Variants in ADAMTSL1 observed in about 807,000 individuals in gnomAD.
ADAMTSL1 encodes ADAMTS like 1, also known as ADAMTS-like protein 1.
ADAMTSL1 carries 126 observed loss-of-function variants against 201.8 expected under a neutral mutation model. That is an observed-to-expected ratio of 0.62 (90% CI 0.54 to 0.72). The LOEUF is 0.72. Among genes scored for constraint, ADAMTSL1 ranks in the 30% least tolerant of loss-of-function variants. The pLI is 0.00. For synonymous variants in ADAMTSL1, 1,121 were observed against 903.4 expected (o/e 1.24, Z -4.32); for missense variants, 2,679 against 2,277.8 (o/e 1.18, Z -3.59).
At chr9:18,503,419 G>GTATATATATATATATATA (rs1206500089) in intron 1 of ADAMTSL1, among the ~76,000 whole-genome samples, 5 of 58,236 alleles carry the variant, frequency 8.6e-5, no homozygotes, top group African/African-American at 2.9e-4. Context: ...GTATTCCATT[G>GTATATATATATATATATA]TGTATATATA....
intron 1 of ADAMTSL1, among the ~76,000 whole-genome samples, chr9:18,085,313 T>C (rs1183794008): frequency 6.6e-6 from 1 of 152,090 alleles, no homozygotes; most frequent in Non-Finnish European, 1.5e-5. Flanking sequence ...ATACTTAACC[T>C]TACTGGGCCT....
chr9:18,721,920 G>T (rs1433822), intron 15 of ADAMTSL1, among the ~76,000 whole-genome samples: 79,206 of 152,014 alleles, frequency 0.52, 20,781 homozygotes, highest in South Asian at 0.64. Context: ...TGGTATGTGT[G>T]TGTGCCACGC....
intron 4 of ADAMTSL1, among the ~76,000 whole-genome samples, chr9:18,590,500 A>C (rs1383924576): frequency 6.6e-6 from 1 of 151,868 alleles, no homozygotes; most frequent in Admixed American, 6.6e-5. Flanking sequence ...ATTAGTTTTT[A>C]GTCTCAATTT....
intron 2 of ADAMTSL1, among the ~76,000 whole-genome samples, chr9:18,354,635 G>T (rs1317727850): frequency 6.6e-6 from 1 of 152,142 alleles, no homozygotes; most frequent in Non-Finnish European, 1.5e-5. Context: ...TTAAAGGTGG[G>T]AGAGTGGTGT....
intron 1 of ADAMTSL1, among the ~76,000 whole-genome samples, chr9:17,956,405 T>C (rs570215351): frequency 4.6e-5 from 7 of 152,314 alleles, no homozygotes; most frequent in Admixed American, 4.6e-4. Flanking sequence ...GGCAATATTG[T>C]TGGCAGTGTC....
chr9:18,140,438 A>G (rs541374895), intron 1 of ADAMTSL1, among the ~76,000 whole-genome samples: 12 of 152,290 alleles, frequency 7.9e-5, no homozygotes, highest in African/African-American at 2.2e-4. Context: ...CTGTCTCCCA[A>G]TGGAGTCAGT....
intron 1 of ADAMTSL1, among the ~76,000 whole-genome samples, chr9:18,006,502 A>G (rs1819834322): frequency 6.6e-6 from 1 of 151,966 alleles, no homozygotes; most frequent in African/African-American, 2.4e-5. Flanking sequence ...TGCTTAATAC[A>G]TGTCCTGGAA....
chr9:18,744,216 C>G (rs542382471), intron 15 of ADAMTSL1, among the ~76,000 whole-genome samples: 7 of 152,336 alleles, frequency 4.6e-5, no homozygotes, highest in African/African-American at 1.7e-4. Context: ...ATGGTTTAGC[C>G]AAATAGTTTA....
chr9:18,198,174 T>A (rs1343455327), intron 2 of ADAMTSL1, among the ~76,000 whole-genome samples: 1 of 151,726 alleles, frequency 6.6e-6, no homozygotes, highest in Non-Finnish European at 1.5e-5. Flanking sequence ...AACCTAGGCA[T>A]TACCATTCAG....
rs547313326 is a variant in ADAMTSL1 at position 18,020,278 on chromosome 9, A to T, written c.87+113356A>T. 1.4e-4 allele frequency among the ~76,000 whole-genome samples: 21 copies of T among 152,186 alleles called. No homozygotes were observed. In the East Asian group the frequency reaches 3.9e-3, roughly 28 times the overall value. On this transcript the variant is annotated intron_variant, in intron 1 of 29. Coordinates refer to the ADAMTSL1 transcript ENST00000680146. ...CATCATTCTCTTTAGTGTGAACAGG[A>T]TTTAGCGATTCAATTTTAACAAATA... is the stretch of plus-strand genomic sequence containing the variant.
intron 2 of ADAMTSL1, among the ~76,000 whole-genome samples, chr9:18,467,307 C>T (rs1037673873): frequency 1.1e-4 from 16 of 151,854 alleles, no homozygotes; most frequent in African/African-American, 3.9e-4. Flanking sequence ...TATTAAAATG[C>T]CAAATTAAAA....
intron 1 of ADAMTSL1, among the ~76,000 whole-genome samples, chr9:18,037,402 A>T (rs940964008): frequency 4.6e-5 from 7 of 152,180 alleles, no homozygotes; most frequent in African/African-American, 1.7e-4. Flanking sequence ...CACAAACATC[A>T]GTCTGGAGGT....
chr9:18,074,469 G>GTCT (rs1450697627), intron 1 of ADAMTSL1, among the ~76,000 whole-genome samples: 23 of 119,604 alleles, frequency 1.9e-4, no homozygotes, highest in African/African-American at 6.5e-4. Flanking sequence ...TCACCACACT[G>GTCT]TGTTTTCTTT....
chr9:18,301,740 A>T (rs1300368172), intron 2 of ADAMTSL1, among the ~76,000 whole-genome samples: 1 of 152,196 alleles, frequency 6.6e-6, no homozygotes, highest in Non-Finnish European at 1.5e-5. Flanking sequence ...GAAATACTAG[A>T]ATACATTGCT....
At chr9:18,856,962 AGC>A (rs1472921342) in intron 23 of ADAMTSL1, among the ~76,000 whole-genome samples, 2 of 152,166 alleles carry the variant, frequency 1.3e-5, no homozygotes, top group Admixed American at 1.3e-4. Context: ...CCGTTTTCTG[AGC>A]CATCGGCAAT....
intron 2 of ADAMTSL1, among the ~76,000 whole-genome samples, chr9:18,266,699 A>G (rs1832130130): frequency 1.3e-5 from 2 of 152,120 alleles, no homozygotes; most frequent in African/African-American, 4.8e-5. Context: ...TGATGGTCTC[A>G]CTTCAGGGGC....
chr9:18,289,821 C>T (rs73643221), intron 2 of ADAMTSL1, among the ~76,000 whole-genome samples: 9,181 of 152,274 alleles, frequency 0.06, 933 homozygotes, highest in African/African-American at 0.21. Flanking sequence ...CTTCTCTTGA[C>T]TTCTCAAGAC....
intron 2 of ADAMTSL1, among the ~76,000 whole-genome samples, chr9:18,382,994 A>C (rs1837623946): frequency 6.6e-6 from 1 of 152,184 alleles, no homozygotes; most frequent in Admixed American, 6.5e-5. Context: ...ATAAATGTGA[A>C]GTAAACCCTG....
chr9:17,927,973 T>A (rs140101009), intron 1 of ADAMTSL1, among the ~76,000 whole-genome samples: 139 of 151,584 alleles, frequency 9.2e-4, no homozygotes, highest in African/African-American at 3.1e-3. Context: ...GTGTGGTTCT[T>A]TTTCTTTTCT....
Sources: allele counts gnomAD v4.1 joint callset (sites outside exome capture counted in the v4.1 genomes callset), GRCh38; gene constraint gnomAD v4.1.1; transcripts MANE v1.5; gene names NCBI Gene and HGNC (gene_info 2026-07-23, HGNC 2026-07-21).